The following IHO1 variants were observed in gnomAD, a reference collection of about 807,000 sequenced individuals.
IHO1 encodes interactor of HORMAD1 protein 1.
Under a neutral mutation model 31.0 loss-of-function variants are expected in IHO1, and 13 were observed. That is an observed-to-expected ratio of 0.42 (90% CI 0.27 to 0.67). The LOEUF is 0.67. IHO1 is among the 30% of genes least tolerant of loss of function. The pLI, the probability that IHO1 is intolerant of heterozygous loss-of-function variation, is 0.24. For synonymous variants in IHO1, 221 were observed against 248.4 expected (o/e 0.89, Z 1.04); for missense variants, 599 against 687.5 (o/e 0.87, Z 1.44).
At chr3:49,243,355 G>C (rs1233455201) in intron 4 of IHO1, among the ~76,000 whole-genome samples, 1 of 151,750 alleles carries the variant, frequency 6.6e-6, no homozygotes, top group Admixed American at 6.6e-5. Flanking sequence ...ATGTTGGCCA[G>C]GCTGGTCTCA....
chr3:49,211,274 C>T (rs2046211597), intron 1 of IHO1, among the ~76,000 whole-genome samples: 1 of 152,182 alleles, frequency 6.6e-6, no homozygotes, highest in African/African-American at 2.4e-5. Flanking sequence ...TCCCAAAGTG[C>T]TGGGATTACA....
At chr3:49,191,680 C>A in the IHO1 span, 1 of 1,540,820 alleles carries the variant, frequency 6.5e-7, no homozygotes, top group Admixed American at 1.7e-5. Context: ...ACCGGCATGA[C>A]TCAGTCAGAT....
Position 49,256,333 on chromosome 3 carries a change from A to T in IHO1, c.836A>T (p.Gln279Leu), listed in dbSNP as rs778205937. The change falls in exon 8 of 8, where the codon CAG becomes CTG. Residue 279 changes from glutamine (Q) to leucine (L), a missense_variant. Physicochemically the swap from Gln to Leu is moderately radical, Grantham distance 113. Transcript: ENST00000452691. The surrounding 1 kb of genome is among the most constrained non-coding windows in gnomAD (Gnocchi z 4.6). ...SASQTSPPLA[Q>L]SLNLTRQEKY... ...TCTCAGACGTCGCCACCTTTGGCCC[A>T]GAGCCTCAATCTCACCAGGCAGGAA... The T allele has an allele frequency of 6.2e-7, 1 of 1,614,200 alleles. No homozygotes were observed. The highest frequency in any genetic ancestry group is 1.7e-5 in the Admixed American group (1 of 60,016).
chr3:49,197,859 CCT>C (rs1287569559), upstream of IHO1, among the ~76,000 whole-genome samples: 5 of 151,164 alleles, frequency 3.3e-5, no homozygotes, highest in Admixed American at 6.6e-5. Flanking sequence ...GGGTGAAACT[CCT>C]GAGAGTGAAA....
chr3:49,203,157 A>G (rs1202657589), intron 1 of IHO1, among the ~76,000 whole-genome samples: 1 of 151,898 alleles, frequency 6.6e-6, no homozygotes, highest in Non-Finnish European at 1.5e-5. Flanking sequence ...GTGAGCTACC[A>G]CTCCTGGCCT....
intron 1 of IHO1, among the ~76,000 whole-genome samples, chr3:49,204,704 G>A (rs1372171529): frequency 1.3e-5 from 2 of 152,122 alleles, no homozygotes; most frequent in Non-Finnish European, 2.9e-5. Context: ...AGTCTACAGA[G>A]TAGAGTGAAA....
Position 49,256,623 on chromosome 3 carries a change from G to A in IHO1, c.1126G>A (p.Gly376Ser). The stretch of plus-strand genomic sequence containing the variant: ...CAAGAACCATGGTTCCAGCGTCCCA[G>A]GCCATAAGATTCCCAGTGACAGGGA... ...GAKNHGSSVP[G>S]HKIPSDRDLV... Residue 376 changes from glycine (G) to serine (S), a missense_variant, in exon 8 of 8, where the codon GGC (glycine) becomes AGC (serine). Physicochemically the swap from Gly to Ser is moderately conservative, Grantham distance 56 (BLOSUM62 0). Transcript: ENST00000452691. This position sits in a 1 kb window ranked among gnomAD's most constrained non-coding sequence, Gnocchi z 4.6. 1 of 1,614,236 alleles carries A rather than the reference G, an allele frequency of 6.2e-7. No homozygotes were observed. The highest frequency in any genetic ancestry group is 8.5e-7 in the Non-Finnish European group (1 of 1,180,046).
chr3:49,220,145 G>A (rs1000317814), intron 2 of IHO1, among the ~76,000 whole-genome samples: 1 of 152,218 alleles, frequency 6.6e-6, no homozygotes, highest in African/African-American at 2.4e-5. Flanking sequence ...AGGCTTGGCA[G>A]TTCTCTGTTA....
At chr3:49,234,013 T>G (rs1559447018) in intron 2 of IHO1, among the ~76,000 whole-genome samples, 1 of 152,166 alleles carries the variant, frequency 6.6e-6, no homozygotes, top group Non-Finnish European at 1.5e-5. Context: ...ATCTATAATC[T>G]ATAGAAATAA....
chr3:49,203,283 G>A (rs536277405), intron 1 of IHO1, among the ~76,000 whole-genome samples: 2 of 152,192 alleles, frequency 1.3e-5, no homozygotes, highest in African/African-American at 4.8e-5. Context: ...ACATGAAACT[G>A]CTTGTGCCCA....
chr3:49,191,841 AT>A, the IHO1 span: 9 of 1,461,674 alleles, frequency 6.2e-6, no homozygotes, highest in Middle Eastern at 1.7e-4. Flanking sequence ...AGGAAAGAGA[AT>A]CTCTGGAGGT....
chr3:49,227,476 C>T (rs552288169), intron 2 of IHO1, among the ~76,000 whole-genome samples: 10 of 152,244 alleles, frequency 6.6e-5, no homozygotes, highest in Admixed American at 5.9e-4. Flanking sequence ...ATTGCACTCA[C>T]CGACGCAGCA....
chr3:49,214,088 A>G (rs2046256091), intron 2 of IHO1: 2 of 194,668 alleles, frequency 1.0e-5, no homozygotes, highest in Non-Finnish European at 2.4e-5. Context: ...CAAAAGTGGT[A>G]TGAATCCAGC....
At chr3:49,221,728 T>C (rs1483441628) in intron 2 of IHO1, among the ~76,000 whole-genome samples, 1 of 152,166 alleles carries the variant, frequency 6.6e-6, no homozygotes, top group African/African-American at 2.4e-5. Flanking sequence ...TGTAAGACCA[T>C]CTATAGACTG....
chr3:49,205,331 CT>C (rs766264368), intron 1 of IHO1, among the ~76,000 whole-genome samples: 431 of 139,546 alleles, frequency 3.1e-3, no homozygotes, highest in East Asian at 6.6e-3. Flanking sequence ...CCAGAGGTCA[CT>C]TTTTTTTTTT....
Position 49,255,476 on chromosome 3 carries a change from A to G in IHO1, c.619A>G (p.Lys207Glu). 6.2e-7 allele frequency: 1 copy of G among 1,601,264 alleles called. No individual in the cohort carries two copies. The highest frequency in any genetic ancestry group is 8.5e-7 in the Non-Finnish European group (1 of 1,176,412). The change falls in exon 7 of 8, where the codon AAG (lysine) becomes GAG (glutamate). Residue 207 changes from lysine to glutamate, a missense_variant. Transcript: ENST00000452691. ...GNMEQAILEM[K>E]KRFEARQGEF... ...CATGGAGCAGGCCATCCTTGAGATGAAGAAAAGATTTGAAGCTGTAAGTGT... is the reference window on the plus strand; with the variant it reads ...CATGGAGCAGGCCATCCTTGAGATGGAGAAAAGATTTGAAGCTGTAAGTGT...
chr3:49,220,936 T>C (rs576130878), intron 2 of IHO1, among the ~76,000 whole-genome samples: 13 of 152,170 alleles, frequency 8.5e-5, no homozygotes, highest in Non-Finnish European at 1.8e-4. Context: ...TCTTCCACAA[T>C]GTGGAAGGGG....
chr3:49,201,337 G>A (rs1364279951), intron 1 of IHO1, among the ~76,000 whole-genome samples: 2 of 151,868 alleles, frequency 1.3e-5, no homozygotes, highest in African/African-American at 4.8e-5. Flanking sequence ...GCTGTGCGCG[G>A]TGGCTCATGC....
At chr3:49,242,905 CTTTTA>C (rs2046648849) in intron 4 of IHO1, among the ~76,000 whole-genome samples, 1 of 152,010 alleles carries the variant, frequency 6.6e-6, no homozygotes, top group African/African-American at 2.4e-5. Flanking sequence ...TTTTTTTAAA[CTTTTA>C]TTTTAGGTTC....
Sources: gnomAD v4.1 joint callset for allele counts (sites outside exome capture counted in the v4.1 genomes callset) on GRCh38, gnomAD v4.1.1 for gene constraint, Gnocchi (gnomAD v3.1) non-coding constraint, MANE v1.5 for transcripts, NCBI Gene and HGNC (gene_info 2026-07-23, HGNC 2026-07-21) for gene names.